CABIN1: variants seen among roughly 807,000 people sequenced by gnomAD.
The protein encoded by CABIN1 is calcineurin binding protein 1, also known as calcineurin-binding protein cabin-1.
CABIN1 carries 133 observed loss-of-function variants against 227.7 expected under a neutral mutation model. That is an observed-to-expected ratio of 0.58 (90% CI 0.51 to 0.67). CABIN1 has a LOEUF of 0.67. Among genes scored for constraint, CABIN1 ranks in the 30% least tolerant of loss-of-function variants. The probability of loss-of-function intolerance (pLI) is 0.00; values close to 1 mark genes in which losing one functional copy is unlikely to be tolerated. For missense variants in CABIN1, 2,408 were observed against 2,852.5 expected (o/e 0.84, Z 3.55); for synonymous variants, 1,086 against 1,155.1 (o/e 0.94, Z 1.21).
chr22:24,168,566 C>CTCCATAT (rs2148718626), intron 33 of CABIN1, 45 bp downstream of exon 33: 1 of 1,437,900 alleles, frequency 7.0e-7, no homozygotes, highest in South Asian at 1.2e-5. Context: ...GCGGAGCCTG[C>CTCCATAT]TCCATATCAA....
intron 15 of CABIN1, among the ~76,000 whole-genome samples, chr22:24,066,121 C>A (rs6004051): frequency 0.052 from 7,852 of 152,244 alleles, 289 homozygotes; most frequent in South Asian, 0.11. Flanking sequence ...ATAGTTAGCC[C>A]AGGGTTGACC....
At chr22:24,070,308 T>TA (rs560708495) in intron 16 of CABIN1, among the ~76,000 whole-genome samples, 209 of 152,360 alleles carry the variant, frequency 1.4e-3, no homozygotes, top group African/African-American at 4.7e-3. Flanking sequence ...AGGAGGCTGA[T>TA]AGAGTGATGA....
rs560425029 is a variant in CABIN1 at position 24,037,874 on chromosome 22, AC to A, written c.97-469del. The stretch of plus-strand genomic sequence containing the variant: ...CCGGTCTGTAAAATCAGGGATTCTC[AC>A]CCCCTACCCCTTTTAGATTTGATAA... On this transcript the variant is annotated intron_variant, in intron 3 of 36. Coordinates refer to ENST00000263119, the MANE Select transcript of CABIN1 (RefSeq NM_012295.4). 1.6e-3 allele frequency among the ~76,000 whole-genome samples: 242 copies of A among 152,076 alleles called. 5 individuals are homozygous for A. The Middle Eastern group carries it at 0.024, about 15-fold the overall frequency.
chr22:24,089,415 C>A (rs1426627572), intron 23 of CABIN1, among the ~76,000 whole-genome samples: 1 of 151,936 alleles, frequency 6.6e-6, no homozygotes, highest in African/African-American at 2.4e-5. Flanking sequence ...AGCCATTGGC[C>A]CAGGAAGCTC....
At chr22:24,166,540 A>T (rs1428343608) in intron 31 of CABIN1, 99 bp from the exon 32 acceptor site, 8 of 1,427,446 alleles carry the variant, frequency 5.6e-6, no homozygotes, top group African/African-American at 1.4e-5. Context: ...CACAGATGTC[A>T]GGTGGGAGAG....
At position 24,061,987 on chromosome 22, in the gene CABIN1, T is replaced by G; in HGVS notation, c.1658T>G (p.Leu553Arg). Residue 553 changes from leucine (L) to arginine (R), a missense_variant, in exon 13 of 37, where the codon CTG becomes CGG. By Grantham distance (102) the Leu-to-Arg change is moderately radical. Transcript: ENST00000263119. ...TCTCTCTCCTGCATGGAACTCCAGC[T>G]GGACCAGTGGCTGCTGACCAAAGGC... ...LMSLSCMELQ[L>R]DQWLLTKGRS... 6.2e-7 allele frequency: 1 copy of G among 1,614,128 alleles called. No homozygotes were observed. Among genetic ancestry groups the G allele is most frequent in the Non-Finnish European group, 8.5e-7 (1 of 1,180,016 alleles).
chr22:24,053,713 TC>T (rs928049521), intron 8 of CABIN1, among the ~76,000 whole-genome samples: 20 of 152,088 alleles, frequency 1.3e-4, no homozygotes, highest in African/African-American at 4.8e-4. Context: ...TCTCAACACT[TC>T]CTGGATGCTG....
chr22:24,162,761 C>T (rs1281529960), intron 29 of CABIN1, among the ~76,000 whole-genome samples: 4 of 152,186 alleles, frequency 2.6e-5, no homozygotes, highest in Admixed American at 1.3e-4. Flanking sequence ...GTTTGGTCTT[C>T]CATCCTTTCT....
intron 29 of CABIN1, among the ~76,000 whole-genome samples, chr22:24,153,208 C>CAT (rs1486523530): frequency 1.3e-5 from 2 of 152,192 alleles, no homozygotes; most frequent in Non-Finnish European, 2.9e-5. Flanking sequence ...AGGGTGTGAC[C>CAT]ACTTAAGCAG....
intron 29 of CABIN1, among the ~76,000 whole-genome samples, chr22:24,152,787 T>TA (rs1349364777): frequency 6.6e-6 from 1 of 152,020 alleles, no homozygotes; most frequent in African/African-American, 2.4e-5. Flanking sequence ...CCATCTCTAC[T>TA]AAAAATATAA....
At chr22:24,162,845 G>A (rs2046235740) in intron 29 of CABIN1, among the ~76,000 whole-genome samples, 1 of 152,244 alleles carries the variant, frequency 6.6e-6, no homozygotes, top group South Asian at 2.1e-4. Flanking sequence ...TGTGTGTGAT[G>A]CAAACTAGAC....
At chr22:24,074,047 G>A (rs1053596863) in intron 18 of CABIN1, among the ~76,000 whole-genome samples, 2 of 151,504 alleles carry the variant, frequency 1.3e-5, no homozygotes, top group African/African-American at 4.9e-5. Flanking sequence ...TTCTAGGAAT[G>A]AATATCTTTA....
intron 29 of CABIN1, among the ~76,000 whole-genome samples, chr22:24,142,197 TCTC>T (rs1344448022): frequency 1.3e-5 from 2 of 151,954 alleles, no homozygotes; most frequent in Admixed American, 6.5e-5. Flanking sequence ...CCAGTGCCTC[TCTC>T]CTCAGAGAGA....
intron 8 of CABIN1, among the ~76,000 whole-genome samples, chr22:24,051,613 A>G (rs2038341271): frequency 1.3e-5 from 2 of 151,948 alleles, no homozygotes. Context: ...GTAGCATTCC[A>G]TTTCTACTCC....
chr22:24,044,184 C>G (rs975315938), intron 6 of CABIN1, among the ~76,000 whole-genome samples: 1 of 152,112 alleles, frequency 6.6e-6, no homozygotes, highest in Non-Finnish European at 1.5e-5. Flanking sequence ...GAGAAGTAGC[C>G]CCACCCTTTA....
At chr22:24,024,267 C>T (rs571086416) in intron 1 of CABIN1, among the ~76,000 whole-genome samples, 1 of 152,126 alleles carries the variant, frequency 6.6e-6, no homozygotes, top group South Asian at 2.1e-4. Context: ...CATATGTATA[C>T]ATGTGCTACC....
intron 7 of CABIN1, 122 bp downstream of exon 7, chr22:24,049,342 T>G (rs2038145368): frequency 8.3e-7 from 1 of 1,204,684 alleles, no homozygotes; most frequent in East Asian, 2.4e-5. Flanking sequence ...TGGGGCTTCA[T>G]GCCCTGCCGC....
chr22:24,058,464 G>T (rs1340268495), intron 10 of CABIN1, among the ~76,000 whole-genome samples: 1 of 152,184 alleles, frequency 6.6e-6, no homozygotes, highest in Non-Finnish European at 1.5e-5. Context: ...TCTGGGTTGA[G>T]GGAACACCAC....
intron 28 of CABIN1, among the ~76,000 whole-genome samples, chr22:24,131,530 C>G (rs571018457): frequency 6.6e-6 from 1 of 152,198 alleles, no homozygotes; most frequent in Non-Finnish European, 1.5e-5. Context: ...CACCCTGGCT[C>G]CCCACTGGCC....
Sources: allele counts gnomAD v4.1 joint callset (sites outside exome capture counted in the v4.1 genomes callset), GRCh38; gene constraint gnomAD v4.1.1; transcripts MANE v1.5; gene names NCBI Gene and HGNC (gene_info 2026-07-23, HGNC 2026-07-21).